CFAP74: variants seen among roughly 807,000 people sequenced by gnomAD.
CFAP74 encodes cilia- and flagella-associated protein 74.
Under a neutral mutation model 188.9 loss-of-function variants are expected in CFAP74, and 124 were observed. The ratio of observed to expected loss-of-function variants is 0.66; its 90% CI spans 0.57 to 0.76. CFAP74 has a LOEUF of 0.76. Among genes scored for constraint, CFAP74 ranks in the 30% least tolerant of loss-of-function variants. CFAP74 has a pLI of 0.00. For missense variants in CFAP74, 2,198 were observed against 2,165.2 expected (o/e 1.02, Z -0.30); for synonymous variants, 956 against 916.7 (o/e 1.04, Z -0.77).
chr1:1,922,294 C>A lies in CFAP74; in HGVS notation c.4913G>T (p.Gly1638Val). Residue 1638 changes from glycine (G) to valine (V), a missense_variant, in exon 39 of 39, where the codon GGC becomes GTC. Physicochemically the swap from Gly to Val is moderately radical, Grantham distance 109 (BLOSUM62 -3). Coordinates refer to ENST00000682832, the MANE Select transcript of CFAP74 (RefSeq NM_001304360.2). ...GGTGCTCTGTGCAGAGGCTTAGGGG[C>A]CAGTCAACACCTGGGCTACAAAGAT... Reference protein sequence around the residue: ...KVIFVAQVLTGP With the variant: ...KVIFVAQVLTVP The A allele has an allele frequency of 6.2e-7, 1 of 1,608,024 alleles. No individual in the cohort carries two copies. The highest frequency in any genetic ancestry group is 8.5e-7 in the Non-Finnish European group (1 of 1,178,172).
intron 2 of CFAP74, among the ~76,000 whole-genome samples, chr1:1,989,943 C>T (rs1460485104): frequency 6.6e-6 from 1 of 152,178 alleles, no homozygotes; most frequent in Non-Finnish European, 1.5e-5. Context: ...ACTCGCACGC[C>T]ATTTGTCTCC....
At chr1:1,977,823 G>C (rs533314367) in intron 6 of CFAP74, among the ~76,000 whole-genome samples, 67 of 152,340 alleles carry the variant, frequency 4.4e-4, no homozygotes, top group African/African-American at 1.4e-3. Flanking sequence ...TGTTTGGAGA[G>C]ACAACCCGTT....
At chr1:1,964,774 A>T in intron 13 of CFAP74, 114 bp downstream of exon 13, 1 of 1,116,290 alleles carries the variant, frequency 9.0e-7, no homozygotes, top group Non-Finnish European at 1.3e-6. Flanking sequence ...TGGGCGACAG[A>T]GTGAGACTCC....
intron 6 of CFAP74, among the ~76,000 whole-genome samples, chr1:1,976,651 T>C (rs558234729): frequency 6.6e-6 from 1 of 152,296 alleles, no homozygotes; most frequent in Admixed American, 6.5e-5. Context: ...CAAGCAATTC[T>C]CCCGCCTCAG....
chr1:1,974,193 G>A lies in CFAP74; in HGVS notation c.506C>T (p.Thr169Ile). The change falls in exon 7 of 39, where the codon ACC becomes ATC. Residue 169 changes from threonine to isoleucine, a missense_variant. Thr to Ile is a moderately conservative substitution (Grantham distance 89, BLOSUM62 -1). Coordinates refer to ENST00000682832, the MANE Select transcript of CFAP74 (RefSeq NM_001304360.2). ...TEAVLKESEN[T>I]MWHIEIQEGR... is the part of the protein sequence containing the mutation. ...CTCCTGGATCTCGATGTGCCACATGGTGTTCCTTCAAACAAGAGGCAAAGC... is the reference window on the plus strand; with the variant it reads ...CTCCTGGATCTCGATGTGCCACATGATGTTCCTTCAAACAAGAGGCAAAGC... 1.3e-6 allele frequency: 2 copies of A among 1,594,106 alleles called. No individual in the cohort carries two copies. The highest frequency in any genetic ancestry group is 1.7e-6 in the Non-Finnish European group (2 of 1,167,328).
chr1:1,960,105 A>G (rs753259738), intron 14 of CFAP74, 75 bp from the exon 15 acceptor site: 2 of 1,340,392 alleles, frequency 1.5e-6, no homozygotes, highest in Non-Finnish European at 2.1e-6. Context: ...CCCAGAGCAC[A>G]GTCAGGCTGG....
At position 1,922,224 on chromosome 1, in the gene CFAP74, C is replaced by T; in HGVS notation, c.*63G>A. The T allele has an allele frequency of 1.6e-6, 2 of 1,267,572 alleles. No individual in the cohort carries two copies. Among genetic ancestry groups the T allele is most frequent in the Non-Finnish European group, 2.3e-6 (2 of 880,076 alleles). 78.5% of individuals were successfully genotyped at this position (1,267,572 alleles called of 1,614,324 possible). A position where few individuals can be genotyped will look rare whatever the true frequency, so the allele number is the denominator to read the frequency against. ...CAGGCTCTAGGGTAGTATGACCTGG[C>T]CCTCAGCCTGGGGAGGGCTTTGAGG... On this transcript the variant is annotated 3_prime_UTR_variant, in exon 39 of 39. Coordinates refer to ENST00000682832, the MANE Select transcript of CFAP74 (RefSeq NM_001304360.2).
At chr1:1,950,589 C>G (rs890230248) in intron 18 of CFAP74, among the ~76,000 whole-genome samples, 3 of 152,192 alleles carry the variant, frequency 2.0e-5, no homozygotes, top group Non-Finnish European at 4.4e-5. Flanking sequence ...ATCTGCTCAC[C>G]TCGGCCGCCC....
chr1:1,945,807 G>T (rs1199933378), intron 20 of CFAP74, among the ~76,000 whole-genome samples: 1 of 146,612 alleles, frequency 6.8e-6, no homozygotes, highest in East Asian at 2.0e-4. Flanking sequence ...CATCCTGGGT[G>T]ACAGAACGAG....
In CFAP74 at chr1:1,942,028, C is replaced by A. The variant is rs770802995; in HGVS notation, c.2615G>T (p.Arg872Leu). 1.3e-6 allele frequency: 2 copies of A among 1,497,782 alleles called. No individual in the cohort carries two copies. The highest frequency in any genetic ancestry group is 1.8e-6 in the Non-Finnish European group (2 of 1,129,502). 92.8% of individuals were successfully genotyped at this position (1,497,782 alleles called of 1,614,324 possible). ...SYSVQLKFLP[R>L]HSLPEDAGRY... ...CCGGCCTTGGCGTCCTGGCACCTAC[C>A]GCGGCAGGAACTTGAGCTGCACGGA... The change falls in exon 22 of 39, where the codon CGA becomes CTA. Residue 872 changes from arginine to leucine, a missense_variant and splice_region_variant. Physicochemically the swap from Arg to Leu is moderately radical, Grantham distance 102. Transcript: ENST00000682832. The surrounding 1 kb of genome is among the most constrained non-coding windows in gnomAD (Gnocchi z 4.3).
intron 1 of CFAP74, among the ~76,000 whole-genome samples, chr1:1,996,378 G>T (rs760454171): frequency 1.1e-4 from 16 of 152,228 alleles, no homozygotes; most frequent in Non-Finnish European, 1.9e-4. Context: ...CAGGAAGTTA[G>T]TGGAGTTGTC....
intron 20 of CFAP74, among the ~76,000 whole-genome samples, chr1:1,945,961 TGC>T (rs1366048075): frequency 8.6e-6 from 1 of 115,822 alleles, no homozygotes; most frequent in African/African-American, 3.0e-5. Flanking sequence ...TCTGTGTATG[TGC>T]GTTTGTGCGT....
At chr1:1,927,902 T>A in intron 27 of CFAP74, 156 bp from the exon 28 acceptor site, 2 of 757,058 alleles carry the variant, frequency 2.6e-6, no homozygotes, top group Non-Finnish European at 4.2e-6. Context: ...AGGAAGACAG[T>A]AGCCAGTGCG....
intron 13 of CFAP74, among the ~76,000 whole-genome samples, chr1:1,964,139 A>C (rs1369558470): frequency 6.6e-6 from 1 of 152,186 alleles, no homozygotes; most frequent in African/African-American, 2.4e-5. Flanking sequence ...GTAAGAGAAA[A>C]GGCTCAGACA....
chr1:1,944,967 G>C (rs1260993919), intron 20 of CFAP74, among the ~76,000 whole-genome samples: 1 of 152,158 alleles, frequency 6.6e-6, no homozygotes, highest in Non-Finnish European at 1.5e-5. Context: ...GGATCACCAA[G>C]TACCTACCAG....
intron 5 of CFAP74, 22 bp from the exon 6 acceptor site, chr1:1,985,512 C>T (rs577660441): frequency 1.0e-5 from 16 of 1,597,238 alleles, no homozygotes; most frequent in African/African-American, 2.7e-5. Flanking sequence ...AACGGACAGG[C>T]CGGGCGTGTG....
At chr1:1,958,905 T>C (rs1252603331) in intron 16 of CFAP74, among the ~76,000 whole-genome samples, 1 of 152,170 alleles carries the variant, frequency 6.6e-6, no homozygotes, top group South Asian at 2.1e-4. Context: ...TTTCCAGCAC[T>C]GGTCCGAGTG....
rs1652011903 is a variant in CFAP74 at position 1,927,620 on chromosome 1, C to T, written c.3514G>A (p.Glu1172Lys). 1.3e-6 allele frequency: 2 copies of T among 1,549,876 alleles called. No homozygotes were observed. Among genetic ancestry groups the T allele is most frequent in the Non-Finnish European group, 1.7e-6 (2 of 1,146,738 alleles). The change falls in exon 28 of 39, where the codon GAG (glutamate) becomes AAG (lysine). Residue 1172 changes from glutamate to lysine, a missense_variant. Coordinates refer to ENST00000682832, the MANE Select transcript of CFAP74 (RefSeq NM_001304360.2). ...VPHVLEMRKR[E>K]LRPSSDEYQA... The stretch of plus-strand genomic sequence containing the variant: ...TCCTGGACCCACCTGGGCCTCAGCT[C>T]CCGCTTCCGCATCTCCAGGACGTGG...
chr1:1,923,331 GC>G lies in CFAP74; in HGVS notation c.4522+35del. ...ATCCACGGGACAGGGGCACCGGGAG[GC>G]CCCGTGTCTGTTCCCTCCCTGGGGA... is the stretch of plus-strand genomic sequence containing the variant. On this transcript the variant is annotated intron_variant, in intron 36 of 38. Coordinates refer to ENST00000682832, the MANE Select transcript of CFAP74 (RefSeq NM_001304360.2). The surrounding 1 kb of genome is among the most constrained non-coding windows in gnomAD (Gnocchi z 6.3). 1 of 1,536,632 alleles carries G rather than the reference GC, an allele frequency of 6.5e-7. No homozygotes were observed. Among genetic ancestry groups the G allele is most frequent in the African/African-American group, 1.4e-5 (1 of 73,010 alleles).
Sources: allele counts gnomAD v4.1 joint callset (sites outside exome capture counted in the v4.1 genomes callset), GRCh38; gene constraint gnomAD v4.1.1; non-coding constraint Gnocchi (gnomAD v3.1); transcripts MANE v1.5; gene names NCBI Gene and HGNC (gene_info 2026-07-23, HGNC 2026-07-21).